The following ITGAD variants were observed in gnomAD, a reference collection of about 807,000 sequenced individuals.
The protein encoded by ITGAD is integrin alpha-D.
In ITGAD, 105 loss-of-function variants were observed where a neutral mutation model predicts 139.0. The ratio of observed to expected loss-of-function variants is 0.76; its 90% CI spans 0.65 to 0.89. The LOEUF (loss-of-function observed/expected upper bound fraction) is 0.89, where lower values mean the gene tolerates loss of function less well. Ranked by LOEUF, ITGAD falls within the 40% of genes least tolerant of loss-of-function variation. The pLI, the probability that ITGAD is intolerant of heterozygous loss-of-function variation, is 0.00. For synonymous variants in ITGAD, 569 were observed against 598.3 expected (o/e 0.95, Z 0.71); for missense variants, 1,384 against 1,487.3 (o/e 0.93, Z 1.14).
In ITGAD at chr16:31,423,413, T is replaced by C. The variant is rs2082045573; in HGVS notation, c.2921T>C (p.Leu974Pro). 1.2e-6 allele frequency: 2 copies of C among 1,614,168 alleles called. No individual in the cohort carries two copies. Among genetic ancestry groups the C allele is most frequent in the Non-Finnish European group, 1.7e-6 (2 of 1,180,016 alleles). The change falls in exon 25 of 30, where the codon CTG (leucine) becomes CCG (proline). Residue 974 changes from leucine to proline, a missense_variant. Physicochemically the swap from Leu to Pro is moderately conservative, Grantham distance 98. Coordinates refer to ENST00000389202, the MANE Select transcript of ITGAD (RefSeq NM_005353.3). ...ATTAACTTCTGGGTTCCTGTCCTGC[T>C]GAACGGGGTGGCTGTGTGGGATGTG... ...ISINFWVPVL[L>P]NGVAVWDVVM...
chr16:31,405,091 A>G (rs181256485), intron 7 of ITGAD, among the ~76,000 whole-genome samples: 1 of 151,792 alleles, frequency 6.6e-6, no homozygotes, highest in Admixed American at 6.6e-5. Context: ...AGTTCAAGCA[A>G]TTCTCCTGCC....
chr16:31,411,504 C>G lies in ITGAD; in HGVS notation c.1694C>G (p.Pro565Arg), dbSNP rs780104077. 1 of 1,614,114 alleles carries G rather than the reference C, an allele frequency of 6.2e-7. No individual in the cohort carries two copies. Among genetic ancestry groups the G allele is most frequent in the Non-Finnish European group, 8.5e-7 (1 of 1,179,996 alleles). ...FHGASESGIS[P>R]SHSQRIASSQ... The stretch of plus-strand genomic sequence containing the variant: ...GGAGCCTCAGAATCCGGCATCAGCC[C>G]CTCCCACAGCCAGGTGAGGCCCGTC... Residue 565 changes from proline (P) to arginine (R), a missense_variant, in exon 14 of 30, where the codon CCC (proline) becomes CGC (arginine). Pro to Arg is a moderately radical substitution (Grantham distance 103, BLOSUM62 -2). Coordinates refer to ENST00000389202, the MANE Select transcript of ITGAD (RefSeq NM_005353.3).
rs773060763 is a variant in ITGAD, at chr16:31,414,473, G to T, written c.2019G>T (p.Arg673Ser). 1.1e-4 allele frequency: 183 copies of T among 1,614,070 alleles called. No individual in the cohort carries two copies. Among genetic ancestry groups the T allele is most frequent in the Non-Finnish European group, 1.5e-4 (175 of 1,180,036 alleles). ...CAGGTGACATCCAAAGCTCTGTCAG[G>T]TTTGATCTGGCACTGGACCCAGGTC... ...DQLGDIQSSV[R>S]FDLALDPGRL... Residue 673 changes from arginine (R) to serine (S), a missense_variant, in exon 17 of 30, where the codon AGG becomes AGT. Physicochemically the swap from Arg to Ser is moderately radical, Grantham distance 110. Transcript: ENST00000389202.
chr16:31,410,607 C>T (rs376936640), intron 11 of ITGAD, 83 bp downstream of exon 11: 25 of 1,106,054 alleles, frequency 2.3e-5, no homozygotes, highest in South Asian at 1.7e-4. Context: ...GGGGGATGGG[C>T]GCTGTGCTGC....
intron 2 of ITGAD, among the ~76,000 whole-genome samples, chr16:31,395,917 G>A (rs1247784477): frequency 6.6e-6 from 1 of 152,280 alleles, no homozygotes; most frequent in East Asian, 1.9e-4. Flanking sequence ...AGTCTGGGGG[G>A]ATGGAAGCAA....
chr16:31,409,065 G>C (rs779250575), intron 10 of ITGAD, among the ~76,000 whole-genome samples: 16 of 152,214 alleles, frequency 1.1e-4, no homozygotes, highest in South Asian at 2.1e-4. Context: ...AGGCTGAGAC[G>C]GGCGGATCAC....
At chr16:31,394,156 A>G in intron 1 of ITGAD, 80 bp from the exon 2 acceptor site, 1 of 863,758 alleles carries the variant, frequency 1.2e-6, no homozygotes, top group Non-Finnish European at 1.8e-6. Context: ...AAAAAGAAAA[A>G]AAAGAAAAAG....
intron 16 of ITGAD, among the ~76,000 whole-genome samples, chr16:31,413,931 C>T (rs560149405): frequency 2.0e-5 from 3 of 152,286 alleles, no homozygotes; most frequent in Middle Eastern, 3.4e-3. Flanking sequence ...AGGAGAGCCT[C>T]CCCTCGCACT....
chr16:31,398,427 C>CAA (rs941556814), intron 5 of ITGAD, among the ~76,000 whole-genome samples: 47 of 73,302 alleles, frequency 6.4e-4, no homozygotes, highest in African/African-American at 1.6e-3. Flanking sequence ...AACTCCATCT[C>CAA]AAAAAAAAAA....
intron 7 of ITGAD, among the ~76,000 whole-genome samples, chr16:31,405,960 AAC>A (rs1210514210): frequency 6.6e-6 from 1 of 152,142 alleles, no homozygotes; most frequent in Non-Finnish European, 1.5e-5. Flanking sequence ...TGACTGGCTA[AAC>A]CCTTTCCCCA....
In ITGAD at chr16:31,426,064, A is replaced by G; in HGVS notation, c.3422A>G (p.Glu1141Gly). The G allele has an allele frequency of 1.9e-6, 3 of 1,614,110 alleles. No individual in the cohort carries two copies. Among genetic ancestry groups the G allele is most frequent in the Non-Finnish European group, 2.5e-6 (3 of 1,179,954 alleles). Residue 1141 changes from glutamate (E) to glycine (G), a missense_variant, in exon 30 of 30, where the codon GAA (glutamate) becomes GGA (glycine). By Grantham distance (98) the Glu-to-Gly change is moderately conservative. Transcript: ENST00000389202. ...AAGGAAATGCTGGAGGACAAGCCTGAAGACACTGCCACATTCAGTGGGGAC... is the reference window on the plus strand; with the variant it reads ...AAGGAAATGCTGGAGGACAAGCCTGGAGACACTGCCACATTCAGTGGGGAC... The part of the protein sequence containing the change: ...HYKEMLEDKP[E>G]DTATFSGDDF...
chr16:31,397,037 A>T (rs992730474), intron 2 of ITGAD, among the ~76,000 whole-genome samples: 4 of 149,174 alleles, frequency 2.7e-5, no homozygotes, highest in Non-Finnish European at 4.4e-5. Flanking sequence ...CATGATTGGG[A>T]AATGCCATTT....
chr16:31,421,571 T>TG (rs2082006924), intron 23 of ITGAD, among the ~76,000 whole-genome samples: 1 of 150,698 alleles, frequency 6.6e-6, no homozygotes, highest in South Asian at 2.1e-4. Context: ...GGGTTTGGGG[T>TG]GGGGGGCACA....
rs756346848 is a variant in ITGAD, at chr16:31,412,838, C to T, written c.1708C>T (p.Arg570Trp). ...ATTCACCCTTTTCTCTTCTGGCCAG[C>T]GGATTGCCAGCTCCCAGCTCTCCCC... Reference protein sequence around the residue: ...ESGISPSHSQRIASSQLSPRL... With the variant: ...ESGISPSHSQWIASSQLSPRL... Residue 570 changes from arginine (R) to tryptophan (W), a missense_variant and splice_region_variant, in exon 15 of 30, where the codon CGG becomes TGG. Physicochemically the swap from Arg to Trp is moderately radical, Grantham distance 101. Coordinates refer to ENST00000389202, the MANE Select transcript of ITGAD (RefSeq NM_005353.3). 9.9e-6 allele frequency: 16 copies of T among 1,613,852 alleles called. No homozygotes were observed. Among genetic ancestry groups the T allele is most frequent in the South Asian group, 6.6e-5 (6 of 91,076 alleles).
At position 31,419,631 on chromosome 16, in the gene ITGAD, C is replaced by T. The variant is rs1174722923; in HGVS notation, c.2780+1067C>T. On this transcript the variant is annotated intron_variant, in intron 23 of 29. Coordinates refer to ENST00000389202, the MANE Select transcript of ITGAD (RefSeq NM_005353.3). ...TTCAAGACCAGCCTGGCCAACATGG[C>T]GAAACCTTGTCTTTACTAAAAACGC... Among the ~76,000 whole-genome samples the T allele has an allele frequency of 1.3e-5, 2 of 151,990 alleles. 1 individual carries two copies. The highest frequency in any genetic ancestry group is 1.3e-4 in the Admixed American group (2 of 15,262).
At chr16:31,397,706 C>CGCCCCGG in intron 4 of ITGAD, 40 bp downstream of exon 4, 1 of 299,966 alleles carries the variant, frequency 3.3e-6, no homozygotes, top group Non-Finnish European at 5.6e-6. Flanking sequence ...TGGGGTGGGG[C>CGCCCCGG]GGGGGGTGTT....
In ITGAD at chr16:31,411,105, C is replaced by T. The variant is rs1000290676; in HGVS notation, c.1386C>T (p.Cys462=). 6.2e-7 allele frequency: 1 copy of T among 1,612,802 alleles called. No individual in the cohort carries two copies. The highest frequency in any genetic ancestry group is 1.7e-5 in the Admixed American group (1 of 59,990). ...QIGSYFGASL[C]SVDVDSDGST... ...GCTCCTACTTCGGGGCCTCCCTCTG[C>T]TCTGTGGATGTGGACAGCGATGGCA... The change falls in exon 13 of 30, where the codon TGC becomes TGT. Residue 462 remains cysteine, a synonymous_variant. Coordinates refer to ENST00000389202, the MANE Select transcript of ITGAD (RefSeq NM_005353.3).
chr16:31,421,956 G>A (rs1258344256), intron 23 of ITGAD, among the ~76,000 whole-genome samples: 1 of 152,018 alleles, frequency 6.6e-6, no homozygotes, highest in East Asian at 1.9e-4. Flanking sequence ...TTTGAGACAG[G>A]GTCTCACTCT....
In ITGAD at chr16:31,410,795, C is replaced by G; in HGVS notation, c.1273C>G (p.Arg425Gly). 1.9e-6 allele frequency: 3 copies of G among 1,613,812 alleles called. No individual in the cohort carries two copies. The highest frequency in any genetic ancestry group is 2.5e-6 in the Non-Finnish European group (3 of 1,179,922). ...GVQNLVLGAP[R>G]YQHTGKAVIF... ...ACAGAACCTGGTCCTGGGGGCCCCC[C>G]GCTACCAGCATACCGGGAAGGCTGT... is the stretch of plus-strand genomic sequence containing the variant. Residue 425 changes from arginine to glycine, a missense_variant, in exon 12 of 30, where the codon CGC (arginine) becomes GGC (glycine). Transcript: ENST00000389202.
Sources: gnomAD v4.1 joint callset for allele counts (sites outside exome capture counted in the v4.1 genomes callset) on GRCh38, gnomAD v4.1.1 for gene constraint, MANE v1.5 for transcripts, NCBI Gene and HGNC (gene_info 2026-07-23, HGNC 2026-07-21) for gene names.